The following FRS2 variants were observed in gnomAD, a reference collection of about 807,000 sequenced individuals.
The protein encoded by FRS2 is fibroblast growth factor receptor substrate 2.
In FRS2, 8 loss-of-function variants were observed where a neutral mutation model predicts 43.9. The observed-to-expected ratio is 0.18, with a 90% CI of 0.11 to 0.33. The LOEUF is 0.33. Among genes scored for constraint, FRS2 ranks in the 10% least tolerant of loss-of-function variants. The pLI, the probability that FRS2 is intolerant of heterozygous loss-of-function variation, is 1.00. For missense variants in FRS2, 534 were observed against 627.6 expected (o/e 0.85, Z 1.59); for synonymous variants, 219 against 220.3 (o/e 0.99, Z 0.05).
At chr12:69,487,568 G>A (rs1448007256) in intron 1 of FRS2, among the ~76,000 whole-genome samples, 1 of 152,208 alleles carries the variant, frequency 6.6e-6, no homozygotes. Flanking sequence ...CTCAAGAGCT[G>A]TGATGGGGAT....
intron 1 of FRS2, among the ~76,000 whole-genome samples, chr12:69,486,868 T>C (rs1872001571): frequency 6.6e-6 from 1 of 152,144 alleles, no homozygotes; most frequent in African/African-American, 2.4e-5. Context: ...ATATGAGGGC[T>C]GAGAGAGGTG....
At chr12:69,523,847 A>G (rs919850737) in intron 1 of FRS2, among the ~76,000 whole-genome samples, 1 of 152,140 alleles carries the variant, frequency 6.6e-6, no homozygotes, top group Non-Finnish European at 1.5e-5. Flanking sequence ...GTTTGGCCGG[A>G]TATTAAATTC....
At chr12:69,505,221 A>G (rs1873817454) in intron 1 of FRS2, among the ~76,000 whole-genome samples, 1 of 152,168 alleles carries the variant, frequency 6.6e-6, no homozygotes. Flanking sequence ...ATATTAGCAA[A>G]TGAGGAAATG....
chr12:69,541,492 T>C (rs990305956), intron 3 of FRS2, among the ~76,000 whole-genome samples: 3 of 152,100 alleles, frequency 2.0e-5, no homozygotes, highest in Non-Finnish European at 4.4e-5. Flanking sequence ...ATTAATATTA[T>C]TAGGCCCAGT....
At chr12:69,482,841 T>G (rs1871462949) in intron 1 of FRS2, among the ~76,000 whole-genome samples, 1 of 152,210 alleles carries the variant, frequency 6.6e-6, no homozygotes, top group South Asian at 2.1e-4. Context: ...TTGAAGCCTT[T>G]TATTAAAACC....
At chr12:69,497,025 T>TA (rs1309875030) in intron 1 of FRS2, among the ~76,000 whole-genome samples, 1 of 152,194 alleles carries the variant, frequency 6.6e-6, no homozygotes, top group Non-Finnish European at 1.5e-5. Flanking sequence ...AAACTGAAGA[T>TA]AGAATGTTCT....
Position 69,536,016 on chromosome 12 carries a change from GT to G in FRS2, c.-122+3969del, listed in dbSNP as rs913957443. ...ATCTGAACACACTTTTAGCCTTACA[GT>G]TTTTTTTTAATTGTTGTTATTGCTG... On this transcript the variant is annotated intron_variant, in intron 3 of 8. Transcript: ENST00000549921. Among the ~76,000 whole-genome samples the G allele has an allele frequency of 6.7e-4, 95 of 140,758 alleles. No homozygotes were observed. The Middle Eastern group carries it at 0.015, about 22-fold the overall frequency. The allele number at this position is 140,758 out of a possible 152,430, so 92.3% of individuals were successfully genotyped here.
chr12:69,472,778 A>G (rs1870429452), intron 1 of FRS2, among the ~76,000 whole-genome samples: 2 of 152,242 alleles, frequency 1.3e-5, no homozygotes, highest in African/African-American at 4.8e-5. Flanking sequence ...ATGTTTTGGT[A>G]ATAATTTCTG....
intron 3 of FRS2, 24 bp from the exon 4 acceptor site, chr12:69,562,156 T>A (rs928157781): frequency 5.0e-6 from 2 of 397,646 alleles, no homozygotes; most frequent in Non-Finnish European, 8.9e-6. Context: ...TGAGAAATTC[T>A]CAATGTTTTT....
chr12:69,489,942 G>A (rs1440377828), intron 1 of FRS2, among the ~76,000 whole-genome samples: 2 of 151,162 alleles, frequency 1.3e-5, no homozygotes, highest in Non-Finnish European at 2.9e-5. Context: ...GACCTCAAGA[G>A]ACTGTAATTG....
chr12:69,552,960 C>A (rs1879027319), intron 3 of FRS2, among the ~76,000 whole-genome samples: 1 of 151,916 alleles, frequency 6.6e-6, no homozygotes, highest in Non-Finnish European at 1.5e-5. Context: ...CTAGGACTTA[C>A]TGTACTTTGT....
At chr12:69,491,021 A>C (rs976721154) in intron 1 of FRS2, among the ~76,000 whole-genome samples, 1 of 152,172 alleles carries the variant, frequency 6.6e-6, no homozygotes, top group Non-Finnish European at 1.5e-5. Flanking sequence ...CTTTTTTCCT[A>C]CCTTTCTGTC....
intron 3 of FRS2, among the ~76,000 whole-genome samples, chr12:69,532,604 G>T (rs959138284): frequency 6.6e-6 from 1 of 152,140 alleles, no homozygotes; most frequent in Admixed American, 6.5e-5. Flanking sequence ...ACATTACCTA[G>T]TCACCTCCTA....
intron 1 of FRS2, among the ~76,000 whole-genome samples, chr12:69,494,350 C>G (rs221101): frequency 0.61 from 92,489 of 152,080 alleles, 29,992 homozygotes; most frequent in African/African-American, 0.85. Flanking sequence ...TGTCTACTCT[C>G]TGCCTAGGGC....
At chr12:69,502,868 G>GCAGCAGCAGCAGCATCAGCAT (rs1198498616) in intron 1 of FRS2, among the ~76,000 whole-genome samples, 10 of 152,058 alleles carry the variant, frequency 6.6e-5, no homozygotes, top group African/African-American at 2.4e-4. Flanking sequence ...ACCTACTCTA[G>GCAGCAGCAGCAGCATCAGCAT]CAGCAGCAGC....
At position 69,574,814 on chromosome 12, in the gene FRS2, A is replaced by G; in HGVS notation, c.1386A>G (p.Gln462=). Residue 462 remains glutamine (Q), a synonymous_variant, in exon 9 of 9, where the codon CAA becomes CAG. Transcript: ENST00000549921. The part of the protein sequence containing the change: ...TPKTPTTPLP[Q]TPTRRTELYA... ...AAACGCCTACAACTCCCCTTCCACA[A>G]ACCCCTACCAGGCGCACAGAGCTGT... 6.2e-7 allele frequency: 1 copy of G among 1,614,092 alleles called. No homozygotes were observed. The highest frequency in any genetic ancestry group is 8.5e-7 in the Non-Finnish European group (1 of 1,180,014).
At chr12:69,473,968 G>A (rs1198851763) in intron 1 of FRS2, among the ~76,000 whole-genome samples, 13 of 152,050 alleles carry the variant, frequency 8.5e-5, no homozygotes, top group African/African-American at 2.7e-4. Context: ...TCATCTTCCC[G>A]AATAGCTGGG....
At chr12:69,552,302 C>CA (rs35353764) in intron 3 of FRS2, among the ~76,000 whole-genome samples, 7,766 of 51,326 alleles carry the variant, frequency 0.15, 1,481 homozygotes, top group Non-Finnish European at 0.18. Context: ...AACTCCGTCT[C>CA]AAAAAAAAAA....
intron 1 of FRS2, among the ~76,000 whole-genome samples, chr12:69,477,125 A>ATAG (rs1019605367): frequency 4.3e-5 from 6 of 139,046 alleles, no homozygotes; most frequent in Admixed American, 2.9e-4. Flanking sequence ...ATGTGGATGA[A>ATAG]TAGTACCCTC....
Sources: allele counts gnomAD v4.1 joint callset (sites outside exome capture counted in the v4.1 genomes callset), GRCh38; gene constraint gnomAD v4.1.1; transcripts MANE v1.5; gene names NCBI Gene and HGNC (gene_info 2026-07-23, HGNC 2026-07-21).